POLI: variants seen among roughly 807,000 people sequenced by gnomAD.
POLI encodes RAD30 homolog B.
Under a neutral mutation model 51.6 loss-of-function variants are expected in POLI, and 58 were observed. That is an observed-to-expected ratio of 1.12 (90% CI 0.91 to 1.40). The LOEUF (loss-of-function observed/expected upper bound fraction) is 1.40. Ranked by LOEUF, POLI falls within the 40% of genes most tolerant of loss-of-function variation. POLI has a pLI of 0.00. For synonymous variants in POLI, 322 were observed against 299.7 expected (o/e 1.07, Z -0.77); for missense variants, 921 against 871.3 (o/e 1.06, Z -0.72).
chr18:54,283,752 T>G (rs2087620102), intron 6 of POLI, 170 bp from the exon 7 acceptor site: 3 of 434,340 alleles, frequency 6.9e-6, no homozygotes, highest in African/African-American at 2.0e-5. Context: ...GTGAGTACAA[T>G]AGCTTGCAGA....
chr18:54,276,231 C>T (rs2087234230), intron 3 of POLI, among the ~76,000 whole-genome samples: 1 of 151,678 alleles, frequency 6.6e-6, no homozygotes, highest in East Asian at 1.9e-4. Context: ...AAAAAGTTAG[C>T]TGGTAGCATG....
rs1456294377 is a variant in POLI at position 54,273,928 on chromosome 18, G to A, written c.244G>A (p.Val82Ile). Residue 82 changes from valine (V) to isoleucine (I), a missense_variant and splice_region_variant, in exon 3 of 10, where the codon GTT (valine) becomes ATT (isoleucine). Transcript: ENST00000579534. ...NPELKDKPLG[V>I]QQKYLVVTCN... ...TTCTCATAAAATATTTTTTACAGGG[G>A]TTCAACAGAAATATTTGGTGGTTAC... 2 of 1,513,656 alleles carry A rather than the reference G, an allele frequency of 1.3e-6. No homozygotes were observed. The highest frequency in any genetic ancestry group is 8.9e-7 in the Non-Finnish European group (1 of 1,128,940). The allele number at this position is 1,513,656 out of a possible 1,614,324, so 93.8% of individuals were successfully genotyped here.
At chr18:54,269,883 T>C (rs1046360929) in intron 1 of POLI, 26 of 1,283,512 alleles carry the variant, frequency 2.0e-5, no homozygotes, top group Non-Finnish European at 2.5e-5. Context: ...ACACTACAAA[T>C]ACGTGTCGAG....
intron 2 of POLI, among the ~76,000 whole-genome samples, chr18:54,273,644 C>A (rs1239390056): frequency 6.6e-6 from 1 of 151,954 alleles, no homozygotes; most frequent in African/African-American, 2.4e-5. Flanking sequence ...TAATAACTTT[C>A]CTTCTTCAAG....
At chr18:54,311,534 C>G (rs2088669022) in intron 3 of POLI, among the ~76,000 whole-genome samples, 1 of 152,116 alleles carries the variant, frequency 6.6e-6, no homozygotes. Flanking sequence ...CTAAACCAAA[C>G]CTATGTAGAT....
In POLI at chr18:54,283,876, T is replaced by C. The variant is rs754220565; in HGVS notation, c.976-46T>C. On this transcript the variant is annotated intron_variant, in intron 6 of 9. Coordinates refer to ENST00000579534, the MANE Select transcript of POLI (RefSeq NM_007195.3). Reference sequence around the variant, plus strand: ...ACTGTACACTGATAATAATTAGATATAGTTATTTGAGTTTGTGCTAATCCT... The same window carrying C: ...ACTGTACACTGATAATAATTAGATACAGTTATTTGAGTTTGTGCTAATCCT... 4 of 683,530 alleles carry C rather than the reference T, an allele frequency of 5.9e-6. No homozygotes were observed. In the South Asian group the frequency reaches 7.6e-5, roughly 13 times the overall value. The allele number at this position is 683,530 out of a possible 1,614,324, so 42.3% of individuals were successfully genotyped here. A position where few individuals can be genotyped will look rare whatever the true frequency, so the allele number is the denominator to read the frequency against.
chr18:54,313,605 T>G (rs2088697338), intron 3 of POLI, among the ~76,000 whole-genome samples: 1 of 152,198 alleles, frequency 6.6e-6, no homozygotes, highest in African/African-American at 2.4e-5. Flanking sequence ...GTGTTTCCAT[T>G]TATTTGTGTC....
intron 4 of POLI, among the ~76,000 whole-genome samples, chr18:54,278,284 A>G (rs937955013): frequency 6.6e-6 from 1 of 152,192 alleles, no homozygotes. Context: ...CAACAGAGCA[A>G]GATCCCATCT....
chr18:54,271,536 C>T, intron 2 of POLI, 51 bp downstream of exon 2: 3 of 1,206,826 alleles, frequency 2.5e-6, no homozygotes, highest in Non-Finnish European at 3.5e-6. Flanking sequence ...AGATTAGCAA[C>T]TCATCATGCT....
chr18:54,275,651 A>G (rs1000743718), intron 3 of POLI, among the ~76,000 whole-genome samples: 24 of 152,064 alleles, frequency 1.6e-4, no homozygotes, highest in African/African-American at 5.1e-4. Flanking sequence ...AGAGTAAATC[A>G]TTGTTTTGAT....
At chr18:54,287,076 C>A (rs919642293) in intron 7 of POLI, among the ~76,000 whole-genome samples, 19 of 152,168 alleles carry the variant, frequency 1.2e-4, no homozygotes, top group African/African-American at 4.3e-4. Context: ...AGCTTGACAT[C>A]TAAACATTCA....
At position 54,294,099 on chromosome 18, in the gene POLI, A is replaced by G. The variant is rs138562746; in HGVS notation, c.1855A>G (p.Lys619Glu). Residue 619 changes from lysine to glutamate, a missense_variant, in exon 10 of 10, where the codon AAG (lysine) becomes GAG (glutamate). Transcript: ENST00000579534. ...SSSSSYMSSQKDYSYYLDNRL... is the reference protein window; with the variant it reads ...SSSSSYMSSQEDYSYYLDNRL... ...TAGTTCTTCTTACATGTCTAGCCAA[A>G]AGGATTATTCATATTATTTAGATAA... is the stretch of plus-strand genomic sequence containing the variant. 58 of 1,609,446 alleles carry G rather than the reference A, an allele frequency of 3.6e-5. No individual in the cohort carries two copies. The African/African-American group carries it at 6.4e-4, about 18-fold the overall frequency.
In POLI at chr18:54,313,944, C is replaced by T. The variant is rs541084779; in HGVS notation, c.334-6329C>T. 1.3e-4 allele frequency among the ~76,000 whole-genome samples: 20 copies of T among 152,144 alleles called. No individual in the cohort carries two copies. In the South Asian group the frequency reaches 3.3e-3, roughly 25 times the overall value. ...CTGGCTGTTTGGATACCCTTTATTC[C>T]TTTCTCTTCCTTGATTGCTGTGGCC... On this transcript the variant is annotated intron_variant, in intron 3 of 4. Transcript: ENST00000579823.
intron 3 of POLI, among the ~76,000 whole-genome samples, chr18:54,313,782 A>G (rs1414637821): frequency 1.3e-5 from 2 of 152,090 alleles, no homozygotes; most frequent in African/African-American, 4.8e-5. Context: ...TAGGAATACT[A>G]CTGATTTTTG....
rs770834900 is a variant in POLI, at chr18:54,296,484, G to A, written c.*2017G>A. The A allele has an allele frequency of 3.6e-5, 18 of 499,626 alleles. No individual in the cohort carries two copies. The highest frequency in any genetic ancestry group is 1.7e-4 in the African/African-American group (8 of 47,654). The allele number at this position is 499,626 out of a possible 1,614,324, so 30.9% of individuals were successfully genotyped here. ...GGTTTACTGTATTATTTGGAAGTGCGAATTTATTTTTATTCTTAGTATATA... is the reference window on the plus strand; with the variant it reads ...GGTTTACTGTATTATTTGGAAGTGCAAATTTATTTTTATTCTTAGTATATA... On this transcript the variant is annotated 3_prime_UTR_variant, in exon 10 of 10. Transcript: ENST00000579534.
chr18:54,282,308 G>A (rs1377280870), intron 5 of POLI, among the ~76,000 whole-genome samples: 1 of 152,014 alleles, frequency 6.6e-6, no homozygotes, highest in Non-Finnish European at 1.5e-5. Flanking sequence ...TTATTTTACT[G>A]CATTTTGTGA....
intron 7 of POLI, among the ~76,000 whole-genome samples, chr18:54,284,377 G>A (rs1050021143): frequency 6.6e-6 from 1 of 152,194 alleles, no homozygotes; most frequent in African/African-American, 2.4e-5. Flanking sequence ...CAAAGCCTCT[G>A]CCCTCAACCT....
At chr18:54,318,230 A>G (rs1250334654) in intron 3 of POLI, among the ~76,000 whole-genome samples, 1 of 152,154 alleles carries the variant, frequency 6.6e-6, no homozygotes, top group Non-Finnish European at 1.5e-5. Context: ...CTAAGATAGT[A>G]GTAATAATAG....
chr18:54,312,181 A>T (rs2088677681), intron 3 of POLI, among the ~76,000 whole-genome samples: 1 of 151,848 alleles, frequency 6.6e-6, no homozygotes, highest in African/African-American at 2.4e-5. Flanking sequence ...TTTAGCTCCC[A>T]CTTATAAGTG....
Sources: allele counts gnomAD v4.1 joint callset (sites outside exome capture counted in the v4.1 genomes callset), GRCh38; gene constraint gnomAD v4.1.1; transcripts MANE v1.5; gene names NCBI Gene and HGNC (gene_info 2026-07-23, HGNC 2026-07-21).